The following OR6N1 variants were observed in gnomAD, a reference collection of about 807,000 sequenced individuals.
OR6N1 encodes olfactory receptor family 6 subfamily N member 1.
For synonymous variants in OR6N1, 170 were observed against 150.7 expected (o/e 1.13, Z -0.94); for missense variants, 394 against 371.7 (o/e 1.06, Z -0.49).
the OR6N1 span, among the ~76,000 whole-genome samples, chr1:158,813,182 C>A: frequency 3.4e-3 from 514 of 152,274 alleles, 3 homozygotes; most frequent in African/African-American, 0.011. Flanking sequence ...TACAAAATAG[C>A]ATACATTGGG....
chr1:158,773,871 C>T (rs1256459350), upstream of OR6N1, among the ~76,000 whole-genome samples: 1 of 152,062 alleles, frequency 6.6e-6, no homozygotes, highest in East Asian at 1.9e-4. Context: ...TTGTATATTA[C>T]TGATTAAATC....
chr1:158,824,671 C>A, the OR6N1 span, among the ~76,000 whole-genome samples: 4 of 152,150 alleles, frequency 2.6e-5, no homozygotes, highest in Non-Finnish European at 5.9e-5. Flanking sequence ...CACATACCTA[C>A]AACCATCTGA....
At chr1:158,776,722 A>G, upstream of OR6N1, 2 of 1,612,354 alleles carry the variant, frequency 1.2e-6, no homozygotes, top group Non-Finnish European at 1.7e-6. Flanking sequence ...CTTCTGGAAG[A>G]TGGTCCTCTT....
At chr1:158,829,546 T>C in the OR6N1 span, among the ~76,000 whole-genome samples, 39 of 152,302 alleles carry the variant, frequency 2.6e-4, no homozygotes, top group East Asian at 4.8e-3. Context: ...ATTGTTTCTG[T>C]CACTATCAGC....
At chr1:158,799,195 C>T in the OR6N1 span, among the ~76,000 whole-genome samples, 2 of 152,172 alleles carry the variant, frequency 1.3e-5, no homozygotes, top group Non-Finnish European at 2.9e-5. Context: ...CCATTTATCT[C>T]ACACCTAGTC....
the OR6N1 span, among the ~76,000 whole-genome samples, chr1:158,838,194 A>G: frequency 6.6e-6 from 1 of 152,020 alleles, no homozygotes; most frequent in Admixed American, 6.5e-5. Context: ...ACATTTTTGT[A>G]TGAGTTTGAG....
chr1:158,799,680 G>A, the OR6N1 span, among the ~76,000 whole-genome samples: 1 of 152,192 alleles, frequency 6.6e-6, no homozygotes, highest in African/African-American at 2.4e-5. Context: ...TGTTTGTGTA[G>A]TCAGGGATCC....
the OR6N1 span, among the ~76,000 whole-genome samples, chr1:158,778,128 T>C: frequency 6.6e-6 from 1 of 152,230 alleles, no homozygotes; most frequent in African/African-American, 2.4e-5. Context: ...ATTAATGTAG[T>C]AGCAAATATT....
chr1:158,774,924 G>A (rs530788499), upstream of OR6N1: 1 of 152,262 alleles, frequency 6.6e-6, no homozygotes, highest in African/African-American at 2.4e-5. Flanking sequence ...TTATGTCATT[G>A]TTAAAGGCCA....
chr1:158,811,595 G>A, the OR6N1 span, among the ~76,000 whole-genome samples: 8 of 152,112 alleles, frequency 5.3e-5, no homozygotes, highest in South Asian at 2.1e-4. Context: ...TGTAGAGGCC[G>A]TATAAATAAC....
At chr1:158,777,687 C>T in the OR6N1 span, 5 of 1,200,508 alleles carry the variant, frequency 4.2e-6, no homozygotes, top group African/African-American at 1.5e-5. Flanking sequence ...GAGATGACTG[C>T]TGAATCCATG....
At chr1:158,789,155 T>C in the OR6N1 span, among the ~76,000 whole-genome samples, 2 of 152,188 alleles carry the variant, frequency 1.3e-5, no homozygotes, top group Non-Finnish European at 2.9e-5. Context: ...GTTCCATCCA[T>C]GTTGCTGCAA....
At position 158,766,051 on chromosome 1, in the gene OR6N1, A is replaced by T. The variant is rs776333537; in HGVS notation, c.632T>A (p.Phe211Tyr). Residue 211 changes from phenylalanine (F) to tyrosine (Y), a missense_variant, in exon 2 of 2, where the codon TTC becomes TAC. Coordinates refer to ENST00000641846, the MANE Select transcript of OR6N1 (RefSeq NM_001005185.2). ...VINSCKILATFLLILCSYVQI... is the reference protein window; with the variant it reads ...VINSCKILATYLLILCSYVQI... ...CACATAGGAGCAGAGGATCAGCAGG[A>T]AGGTGGCTAGGATCTTGCAGGAATT... The T allele has an allele frequency of 3.0e-5, 49 of 1,614,096 alleles. No individual in the cohort carries two copies. In the East Asian group the frequency reaches 1.1e-3, roughly 35 times the overall value.
At chr1:158,768,865 A>G (rs1571603512) in intron 1 of OR6N1, among the ~76,000 whole-genome samples, 1 of 151,898 alleles carries the variant, frequency 6.6e-6, no homozygotes, top group East Asian at 1.9e-4. Flanking sequence ...TTTCCAGAGG[A>G]CTTGTCATGT....
chr1:158,765,938 G>A lies in OR6N1; in HGVS notation c.745C>T (p.Leu249Phe). The change falls in exon 2 of 2, where the codon CTC (leucine) becomes TTC (phenylalanine). Residue 249 changes from leucine (L) to phenylalanine (F), a missense_variant. Leu to Phe is a conservative substitution (Grantham distance 22, BLOSUM62 0). Transcript: ENST00000641846. ...GAAAGGATGCTCCCATAGAAGATGA[G>A]AACCACAGTGAAGTGGGAGGCACAC... Reference protein sequence around the residue: ...STCASHFTVVLIFYGSILSMY... With the variant: ...STCASHFTVVFIFYGSILSMY... 6.2e-7 allele frequency: 1 copy of A among 1,614,164 alleles called. No homozygotes were observed. The highest frequency in any genetic ancestry group is 8.5e-7 in the Non-Finnish European group (1 of 1,180,004).
At chr1:158,821,838 T>C in the OR6N1 span, among the ~76,000 whole-genome samples, 2 of 152,208 alleles carry the variant, frequency 1.3e-5, no homozygotes, top group Non-Finnish European at 2.9e-5. Context: ...TTTTTAGTTT[T>C]CTAAGAAACT....
chr1:158,826,443 G>T, the OR6N1 span, among the ~76,000 whole-genome samples: 2 of 152,092 alleles, frequency 1.3e-5, no homozygotes, highest in African/African-American at 4.8e-5. Flanking sequence ...CTGCATGCTC[G>T]ATTGTATTTA....
At chr1:158,810,849 A>T in the OR6N1 span, among the ~76,000 whole-genome samples, 1 of 152,092 alleles carries the variant, frequency 6.6e-6, no homozygotes, top group Non-Finnish European at 1.5e-5. Flanking sequence ...TTTTTTACTA[A>T]TGTGTAATAC....
chr1:158,808,046 T>C, the OR6N1 span, among the ~76,000 whole-genome samples: 1 of 150,400 alleles, frequency 6.6e-6, no homozygotes, highest in African/African-American at 2.4e-5. Context: ...TTCTCACAAT[T>C]ACCAACAAGC....
Sources: gnomAD v4.1 joint callset for allele counts (sites outside exome capture counted in the v4.1 genomes callset) on GRCh38, gnomAD v4.1.1 for gene constraint, MANE v1.5 for transcripts, NCBI Gene and HGNC (gene_info 2026-07-23, HGNC 2026-07-21) for gene names.